Variants in CDC42BPA observed in about 807,000 individuals in gnomAD.
CDC42BPA encodes the protein serine/threonine-protein kinase MRCK alpha.
Under a neutral mutation model 223.5 loss-of-function variants are expected in CDC42BPA, and 80 were observed. The observed-to-expected ratio is 0.36, with a 90% CI of 0.30 to 0.43. The LOEUF is 0.43. CDC42BPA is among the 20% of genes least tolerant of loss of function. The probability of loss-of-function intolerance (pLI) is 1.00; values close to 1 mark genes in which losing one functional copy is unlikely to be tolerated. For synonymous variants in CDC42BPA, 694 were observed against 718.6 expected (o/e 0.97, Z 0.55); for missense variants, 1,743 against 2,099.9 (o/e 0.83, Z 3.32).
At chr1:227,189,778 T>C (rs936461276) in intron 5 of CDC42BPA, among the ~76,000 whole-genome samples, 30 of 152,208 alleles carry the variant, frequency 2.0e-4, no homozygotes, top group African/African-American at 7.0e-4. Context: ...TCTAGAAATA[T>C]ATTTCCTTAA....
intron 23 of CDC42BPA, among the ~76,000 whole-genome samples, chr1:227,043,590 AAAT>A (rs1012691301): frequency 2.6e-5 from 4 of 152,254 alleles, no homozygotes; most frequent in African/African-American, 9.6e-5. Context: ...TTAATTCATA[AAAT>A]AATATCAGCT....
intron 14 of CDC42BPA, among the ~76,000 whole-genome samples, chr1:227,103,892 G>C (rs1685460215): frequency 6.6e-6 from 1 of 152,050 alleles, no homozygotes. Flanking sequence ...AAAACTCTGA[G>C]AGAAGGACAA....
intron 9 of CDC42BPA, among the ~76,000 whole-genome samples, chr1:227,142,489 T>C (rs903753822): frequency 6.6e-6 from 1 of 152,256 alleles, no homozygotes; most frequent in Non-Finnish European, 1.5e-5. Context: ...ATTCATTTTG[T>C]AATGCTTAAC....
chr1:227,206,063 T>C (rs1465663789), intron 3 of CDC42BPA, among the ~76,000 whole-genome samples: 1 of 152,154 alleles, frequency 6.6e-6, no homozygotes, highest in African/African-American at 2.4e-5. Context: ...ATAAAATGTT[T>C]TTAAAAGGTT....
chr1:227,301,362 A>T (rs201401080), intron 1 of CDC42BPA, among the ~76,000 whole-genome samples: 2,495 of 109,952 alleles, frequency 0.023, 22 homozygotes, highest in Middle Eastern at 0.065. Flanking sequence ...GGATGTAGAC[A>T]TTTTTTTTTT....
At chr1:227,064,062 A>G (rs1292454107) in intron 21 of CDC42BPA, among the ~76,000 whole-genome samples, 1 of 152,210 alleles carries the variant, frequency 6.6e-6, no homozygotes, top group Non-Finnish European at 1.5e-5. Context: ...ATGCCAGAAT[A>G]TAAGAATGGA....
At chr1:227,048,193 G>A (rs559105166) in intron 22 of CDC42BPA, among the ~76,000 whole-genome samples, 183 bp from the exon 23 acceptor site, 1 of 152,028 alleles carries the variant, frequency 6.6e-6, no homozygotes, top group South Asian at 2.1e-4. Context: ...TTAAATCTCT[G>A]CCTGCAATAT....
At chr1:227,250,979 G>A (rs1681899147) in intron 2 of CDC42BPA, among the ~76,000 whole-genome samples, 1 of 152,134 alleles carries the variant, frequency 6.6e-6, no homozygotes, top group Non-Finnish European at 1.5e-5. Flanking sequence ...CTTGGGCCCA[G>A]GAATTCAAGG....
At chr1:227,041,161 CTTATT>C (rs1387751065) in intron 23 of CDC42BPA, among the ~76,000 whole-genome samples, 1 of 152,040 alleles carries the variant, frequency 6.6e-6, no homozygotes, top group East Asian at 1.9e-4. Context: ...AATTTCAACT[CTTATT>C]TTAGATTTGT....
At chr1:227,085,183 C>T (rs1681600120) in intron 16 of CDC42BPA, among the ~76,000 whole-genome samples, 1 of 152,000 alleles carries the variant, frequency 6.6e-6, no homozygotes, top group African/African-American at 2.4e-5. Context: ...CATACATATA[C>T]CACCTCCCAC....
At chr1:227,121,221 GA>G (rs1688615076) in intron 11 of CDC42BPA, among the ~76,000 whole-genome samples, 1 of 152,178 alleles carries the variant, frequency 6.6e-6, no homozygotes, top group Non-Finnish European at 1.5e-5. Context: ...AAGACCTAAT[GA>G]AGCAGAATCT....
intron 21 of CDC42BPA, among the ~76,000 whole-genome samples, chr1:227,052,261 T>A (rs1352756637): frequency 6.6e-6 from 1 of 152,220 alleles, no homozygotes. Context: ...CTACTGCACA[T>A]TCTATGTTGG....
chr1:227,211,257 T>C (rs527810558), intron 3 of CDC42BPA, among the ~76,000 whole-genome samples: 18 of 152,246 alleles, frequency 1.2e-4, no homozygotes, highest in Middle Eastern at 6.8e-3. Flanking sequence ...GATATTACTA[T>C]ACAATAATTA....
intron 5 of CDC42BPA, among the ~76,000 whole-genome samples, chr1:227,161,798 T>C (rs1227925151): frequency 6.6e-6 from 1 of 152,218 alleles, no homozygotes; most frequent in Non-Finnish European, 1.5e-5. Context: ...GCCTAACATA[T>C]TTACTCTCAG....
rs1469477163 is a variant in CDC42BPA at position 227,249,575 on chromosome 1, C to A, written c.270+4489G>T. Among the ~76,000 whole-genome samples the A allele has an allele frequency of 2.6e-5, 4 of 152,080 alleles. No homozygotes were observed. In the East Asian group the frequency reaches 7.7e-4, roughly 29 times the overall value. The stretch of plus-strand genomic sequence containing the variant: ...ACAAGGGATTAATAACCAGAATATA[C>A]AAGGAATTCAAACAACTCTATAGGA... On this transcript the variant is annotated intron_variant, in intron 2 of 36. Coordinates refer to ENST00000366766, the MANE Select transcript of CDC42BPA (RefSeq NM_001394014.1).
At chr1:227,109,215 C>G (rs1469410493) in intron 14 of CDC42BPA, among the ~76,000 whole-genome samples, 1 of 152,098 alleles carries the variant, frequency 6.6e-6, no homozygotes, top group East Asian at 1.9e-4. Flanking sequence ...TAGATAAACA[C>G]TTTATACTTA....
intron 4 of CDC42BPA, among the ~76,000 whole-genome samples, chr1:227,196,123 G>T (rs1670642236): frequency 6.6e-6 from 1 of 151,514 alleles, no homozygotes; most frequent in Non-Finnish European, 1.5e-5. Context: ...CCAGTCCAAT[G>T]AAACAATGCT....
chr1:227,098,702 C>T (rs2149292626), intron 15 of CDC42BPA, among the ~76,000 whole-genome samples: 1 of 151,846 alleles, frequency 6.6e-6, no homozygotes. Context: ...CTTCTTATCC[C>T]TTTTGCCACT....
At chr1:227,018,107 C>T (rs1009864971) in intron 32 of CDC42BPA, among the ~76,000 whole-genome samples, 9 of 151,400 alleles carry the variant, frequency 5.9e-5, no homozygotes, top group African/African-American at 2.2e-4. Flanking sequence ...AGTGTAGTGG[C>T]ACCATGATAG....
Sources: allele counts gnomAD v4.1 joint callset (sites outside exome capture counted in the v4.1 genomes callset), GRCh38; gene constraint gnomAD v4.1.1; transcripts MANE v1.5; gene names NCBI Gene and HGNC (gene_info 2026-07-23, HGNC 2026-07-21).